PLD5: variants seen among roughly 807,000 people sequenced by gnomAD.
PLD5 encodes the protein inactive phospholipase D5.
Under a neutral mutation model 61.1 loss-of-function variants are expected in PLD5, and 36 were observed. That is an observed-to-expected ratio of 0.59 (90% confidence interval 0.45 to 0.78). The LOEUF is 0.78. Among genes scored for constraint, PLD5 ranks in the 30% least tolerant of loss-of-function variants. The pLI is 0.00. For synonymous variants in PLD5, 243 were observed against 242.8 expected (o/e 1.00, Z -0.01); for missense variants, 515 against 644.4 (o/e 0.80, Z 2.17).
intron 2 of PLD5, among the ~76,000 whole-genome samples, chr1:242,292,527 T>A (rs1167189177): frequency 6.6e-6 from 1 of 152,186 alleles, no homozygotes; most frequent in Non-Finnish European, 1.5e-5. Context: ...TAAGTCACGA[T>A]TCCCAATCTT....
intron 5 of PLD5, among the ~76,000 whole-genome samples, chr1:242,166,055 C>T (rs1280487036): frequency 6.6e-6 from 1 of 152,210 alleles, no homozygotes; most frequent in Non-Finnish European, 1.5e-5. Context: ...TTTGAACTTG[C>T]TTCCTGTTGT....
chr1:242,467,134 A>G (rs1667301955), intron 1 of PLD5, among the ~76,000 whole-genome samples: 1 of 152,298 alleles, frequency 6.6e-6, no homozygotes, highest in African/African-American at 2.4e-5. Context: ...CTGTGAAGTG[A>G]CGGATATGTT....
chr1:242,106,655 G>A (rs954742223), intron 8 of PLD5, among the ~76,000 whole-genome samples: 1 of 152,166 alleles, frequency 6.6e-6, no homozygotes, highest in Non-Finnish European at 1.5e-5. Flanking sequence ...CTCCTGTCTG[G>A]CCTTGGGATA....
intron 2 of PLD5, among the ~76,000 whole-genome samples, chr1:242,290,493 T>G (rs1236113978): frequency 6.6e-6 from 1 of 152,062 alleles, no homozygotes; most frequent in Non-Finnish European, 1.5e-5. Context: ...GCAGAGGCTG[T>G]GATCAAGGGA....
rs1456190383 is a variant in PLD5 at position 242,394,206 on chromosome 1, GTATATGAGTATATATATGTGTA to G, written c.190-45986_190-45965del. ...TGAGTATATATGAGTATATATATGTGTATATGAGTATATATATGTGTATATATATGAGTATATATATGTGTAT... is the reference window on the plus strand; with the variant it reads ...TGAGTATATATGAGTATATATATGTGTATATATGAGTATATATATGTGTAT... On this transcript the variant is annotated intron_variant, in intron 1 of 9. Coordinates refer to ENST00000536534, the MANE Select transcript of PLD5 (RefSeq NM_001372062.1). 3.7e-4 allele frequency among the ~76,000 whole-genome samples: 14 copies of G among 37,334 alleles called. 5 individuals are homozygous for G. The highest frequency in any genetic ancestry group is 6.0e-4 in the Non-Finnish European group (11 of 18,486). The allele number at this position is 37,334 out of a possible 152,430, so 24.5% of individuals were successfully genotyped here.
At chr1:242,189,915 G>A (rs1335458804) in intron 5 of PLD5, among the ~76,000 whole-genome samples, 6 of 152,164 alleles carry the variant, frequency 3.9e-5, no homozygotes, top group Non-Finnish European at 5.9e-5. Context: ...CCATGAATGA[G>A]GGGGAATGTG....
chr1:242,227,449 C>G (rs955442959), intron 4 of PLD5, among the ~76,000 whole-genome samples: 1 of 152,174 alleles, frequency 6.6e-6, no homozygotes, highest in Non-Finnish European at 1.5e-5. Context: ...ATTGCAACCT[C>G]TGCCTCATGA....
intron 1 of PLD5, among the ~76,000 whole-genome samples, chr1:242,408,752 T>G (rs1318086823): frequency 6.6e-6 from 1 of 152,094 alleles, no homozygotes; most frequent in Non-Finnish European, 1.5e-5. Flanking sequence ...AAAAATGGCC[T>G]AACACACCAG....
chr1:242,291,472 G>A (rs2165138), intron 2 of PLD5, among the ~76,000 whole-genome samples: 134,728 of 152,114 alleles, frequency 0.89, 59,824 homozygotes, highest in East Asian at 0.94. Context: ...ATTGGGTGTC[G>A]TTAAAATCTC....
chr1:242,429,515 G>A (rs1003730138), intron 1 of PLD5, among the ~76,000 whole-genome samples: 47 of 152,152 alleles, frequency 3.1e-4, no homozygotes, highest in African/African-American at 1.1e-3. Flanking sequence ...CCAAAGTGCT[G>A]GGATTACAGG....
intron 1 of PLD5, among the ~76,000 whole-genome samples, chr1:242,420,703 C>A (rs531488401): frequency 6.6e-6 from 1 of 152,078 alleles, no homozygotes; most frequent in African/African-American, 2.4e-5. Context: ...TACATATACA[C>A]CTGCCAGTCA....
intron 2 of PLD5, among the ~76,000 whole-genome samples, chr1:242,336,038 G>A (rs1659482155): frequency 6.6e-6 from 1 of 152,116 alleles, no homozygotes; most frequent in Admixed American, 6.6e-5. Flanking sequence ...ACACGAATAG[G>A]CACGCCACAG....
intron 1 of PLD5, among the ~76,000 whole-genome samples, chr1:242,375,369 C>A (rs1002613350): frequency 1.3e-5 from 2 of 152,204 alleles, no homozygotes; most frequent in African/African-American, 4.8e-5. Context: ...TCTGAGCAGC[C>A]CTGCTGGCTC....
chr1:242,524,824 G>T (rs943961496), upstream of PLD5: 71 of 149,288 alleles, frequency 4.8e-4, 1 homozygote, highest in African/African-American at 1.6e-3. Flanking sequence ...CGCCCCTCCC[G>T]CCGCGCCCAG....
rs1296483457 is a variant in PLD5 at position 242,086,539 on chromosome 1, C to T, written c.*3315G>A. Reference sequence around the variant, plus strand: ...GTGGCCAGTGACAATGCAGTGGAGGCCCACAGTATTGATCTTTGATGGTGT... The same window carrying T: ...GTGGCCAGTGACAATGCAGTGGAGGTCCACAGTATTGATCTTTGATGGTGT... On this transcript the variant is annotated 3_prime_UTR_variant, in exon 10 of 10. Coordinates refer to ENST00000536534, the MANE Select transcript of PLD5 (RefSeq NM_001372062.1). The T allele has an allele frequency of 1.3e-5, 2 of 152,078 alleles. No homozygotes were observed. The highest frequency in any genetic ancestry group is 2.4e-5 in the African/African-American group (1 of 41,386). 9.4% of individuals were successfully genotyped at this position (152,078 alleles called of 1,614,324 possible).
intron 1 of PLD5, among the ~76,000 whole-genome samples, chr1:242,382,634 G>T (rs919562984): frequency 6.6e-6 from 1 of 152,202 alleles, no homozygotes; most frequent in Non-Finnish European, 1.5e-5. Context: ...TACTGGTGTG[G>T]TAAGGAAGGT....
At position 242,085,344 on chromosome 1, in the gene PLD5, ATCT is replaced by A. The variant is rs1331981220; in HGVS notation, c.*4507_*4509del. 2.0e-5 allele frequency: 3 copies of A among 152,294 alleles called. No homozygotes were observed. The highest frequency in any genetic ancestry group is 2.9e-5 in the Non-Finnish European group (2 of 68,030). The allele number at this position is 152,294 out of a possible 1,614,324, so 9.4% of individuals were successfully genotyped here. A position where few individuals can be genotyped will look rare whatever the true frequency, so the allele number is the denominator to read the frequency against. On this transcript the variant is annotated 3_prime_UTR_variant, in exon 10 of 10. Transcript: ENST00000536534. ...AAAAATAAGAAAATTTCATTTTTAC[ATCT>A]TCAAGAAACTTCTGAGGAATACCCA...
At chr1:242,507,204 A>G (rs1293043171) in intron 1 of PLD5, among the ~76,000 whole-genome samples, 1 of 152,262 alleles carries the variant, frequency 6.6e-6, no homozygotes, top group African/African-American at 2.4e-5. Context: ...GTTTCTGATT[A>G]AGAAAAGCTG....
At chr1:242,451,802 G>A (rs551800331) in intron 1 of PLD5, among the ~76,000 whole-genome samples, 4 of 151,952 alleles carry the variant, frequency 2.6e-5, no homozygotes, top group East Asian at 1.9e-4. Flanking sequence ...AGGTAAAACC[G>A]AGACTACTCT....
Sources: allele counts gnomAD v4.1 joint callset (sites outside exome capture counted in the v4.1 genomes callset), GRCh38; gene constraint gnomAD v4.1.1; transcripts MANE v1.5; gene names NCBI Gene and HGNC (gene_info 2026-07-23, HGNC 2026-07-21).